UNC5D: variants seen among roughly 807,000 people sequenced by gnomAD.
The protein encoded by UNC5D is netrin receptor UNC5D.
Under a neutral mutation model 105.4 loss-of-function variants are expected in UNC5D, and 39 were observed. The observed-to-expected ratio is 0.37, with a 90% CI of 0.29 to 0.48. The LOEUF is 0.48. Among genes scored for constraint, UNC5D ranks in the 20% least tolerant of loss-of-function variants. UNC5D has a pLI of 0.98. For missense variants in UNC5D, 991 were observed against 1,202.4 expected, an observed-to-expected ratio of 0.82 and a Z score of 2.60; for synonymous variants, 452 against 450.4, an observed-to-expected ratio of 1.00 and a Z score of -0.04.
At chr8:35,717,660 G>A (rs1828328598) in intron 8 of UNC5D, among the ~76,000 whole-genome samples, 1 of 152,106 alleles carries the variant, frequency 6.6e-6, no homozygotes, top group Admixed American at 6.6e-5. Context: ...ATACAATTCA[G>A]GTTTTTAACA....
intron 11 of UNC5D, among the ~76,000 whole-genome samples, chr8:35,743,749 G>A (rs1041400153): frequency 2.6e-5 from 4 of 151,404 alleles, no homozygotes; most frequent in African/African-American, 4.9e-5. Context: ...CTTCATATAC[G>A]TATAAAAGTC....
At chr8:35,284,027 A>T (rs1169788996) in intron 1 of UNC5D, among the ~76,000 whole-genome samples, 1 of 152,184 alleles carries the variant, frequency 6.6e-6, no homozygotes, top group African/African-American at 2.4e-5. Context: ...TTTGGAATGG[A>T]TTCATTTTAA....
intron 1 of UNC5D, among the ~76,000 whole-genome samples, chr8:35,533,047 C>G (rs917664233): frequency 7.6e-4 from 114 of 150,430 alleles, no homozygotes; most frequent in African/African-American, 2.8e-3. Context: ...TCTCTCAGTT[C>G]GTCAAAGTCA....
intron 1 of UNC5D, among the ~76,000 whole-genome samples, chr8:35,466,599 A>C (rs983206563): frequency 6.6e-6 from 1 of 152,168 alleles, no homozygotes; most frequent in Non-Finnish European, 1.5e-5. Context: ...CATTTCTATT[A>C]TCCCATGAGA....
chr8:35,558,560 A>T (rs1304014220), intron 2 of UNC5D, among the ~76,000 whole-genome samples: 1 of 152,214 alleles, frequency 6.6e-6, no homozygotes, highest in African/African-American at 2.4e-5. Flanking sequence ...ACATTCCCTT[A>T]TATAAGTGGA....
intron 1 of UNC5D, among the ~76,000 whole-genome samples, chr8:35,370,888 TG>T (rs1802394180): frequency 6.6e-6 from 1 of 152,232 alleles, no homozygotes; most frequent in South Asian, 2.1e-4. Flanking sequence ...ACAGTGTACT[TG>T]TGAAGACATT....
At chr8:35,534,512 C>G (rs940640697) in intron 1 of UNC5D, among the ~76,000 whole-genome samples, 18 of 151,486 alleles carry the variant, frequency 1.2e-4, no homozygotes, top group Non-Finnish European at 2.2e-4. Flanking sequence ...AAGATCAATT[C>G]AAAATAAGTT....
intron 1 of UNC5D, among the ~76,000 whole-genome samples, chr8:35,440,873 A>G (rs546470476): frequency 6.6e-6 from 1 of 152,116 alleles, no homozygotes; most frequent in African/African-American, 2.4e-5. Context: ...CATACCGATC[A>G]GTGATTCATA....
intron 4 of UNC5D, among the ~76,000 whole-genome samples, chr8:35,625,983 T>A (rs2131052237): frequency 6.6e-6 from 1 of 152,322 alleles, no homozygotes; most frequent in Admixed American, 6.5e-5. Context: ...AAGCAATAAA[T>A]AAGAGTTTAA....
chr8:35,711,133 A>G (rs1470795695), intron 8 of UNC5D, among the ~76,000 whole-genome samples: 1 of 150,404 alleles, frequency 6.6e-6, no homozygotes, highest in Non-Finnish European at 1.5e-5. Flanking sequence ...AGTCTAGAGC[A>G]CTTAACATGT....
At chr8:35,253,443 C>T in intron 1 of UNC5D, among the ~76,000 whole-genome samples, 2 of 130,222 alleles carry the variant, frequency 1.5e-5, no homozygotes, top group African/African-American at 2.9e-5. Flanking sequence ...TTTTTTCCCT[C>T]TGTAGAGTTT....
At chr8:35,487,374 CA>C (rs1440132063) in intron 1 of UNC5D, among the ~76,000 whole-genome samples, 3 of 152,100 alleles carry the variant, frequency 2.0e-5, no homozygotes, top group Non-Finnish European at 4.4e-5. Context: ...CTCATCCAAT[CA>C]GTTGGAACAA....
At chr8:35,457,519 T>C (rs1417630453) in intron 1 of UNC5D, among the ~76,000 whole-genome samples, 1 of 152,196 alleles carries the variant, frequency 6.6e-6, no homozygotes, top group African/African-American at 2.4e-5. Flanking sequence ...CAAGTTCCAC[T>C]GTGATAAAAC....
chr8:35,702,335 G>A (rs1319988572), intron 7 of UNC5D, among the ~76,000 whole-genome samples: 13 of 152,064 alleles, frequency 8.5e-5, no homozygotes, highest in Admixed American at 8.5e-4. Flanking sequence ...TTGCCCGAAA[G>A]TGATCATGAT....
chr8:35,587,789 G>A (rs2130868162), intron 3 of UNC5D, among the ~76,000 whole-genome samples: 1 of 151,638 alleles, frequency 6.6e-6, no homozygotes, highest in African/African-American at 2.4e-5. Flanking sequence ...CAGAAGAAAG[G>A]GATCTTTTTT....
At chr8:35,606,362 T>G (rs1820294849) in intron 4 of UNC5D, among the ~76,000 whole-genome samples, 1 of 152,202 alleles carries the variant, frequency 6.6e-6, no homozygotes, top group African/African-American at 2.4e-5. Flanking sequence ...TATTGATACA[T>G]TCTTATTAAG....
intron 1 of UNC5D, among the ~76,000 whole-genome samples, chr8:35,396,357 A>G (rs746261891): frequency 6.6e-6 from 1 of 152,196 alleles, no homozygotes; most frequent in Non-Finnish European, 1.5e-5. Context: ...AAGCAGGCAC[A>G]AGCAGTCAAG....
At position 35,688,879 on chromosome 8, in the gene UNC5D, A is replaced by G. The variant is rs753839484; in HGVS notation, c.1084+2170A>G. On this transcript the variant is annotated intron_variant, in intron 7 of 16. Coordinates refer to ENST00000404895, the MANE Select transcript of UNC5D (RefSeq NM_080872.4). ...AGCCAATAAATTGTTTAAAGCAACT[A>G]CCTGAACTATGACCATGAGTGGCTT... Among the ~76,000 whole-genome samples, 101 of 152,242 alleles carry G rather than the reference A, an allele frequency of 6.6e-4. 2 individuals are homozygous for G. Among genetic ancestry groups the G allele is most frequent in the Non-Finnish European group, 2.6e-4 (18 of 68,048 alleles).
intron 1 of UNC5D, among the ~76,000 whole-genome samples, chr8:35,421,957 T>A (rs1805932622): frequency 6.6e-6 from 1 of 152,244 alleles, no homozygotes; most frequent in Non-Finnish European, 1.5e-5. Context: ...AAGCCAAATT[T>A]GGGACAGAAT....
Sources: allele counts gnomAD v4.1 joint callset (sites outside exome capture counted in the v4.1 genomes callset), GRCh38; gene constraint gnomAD v4.1.1; transcripts MANE v1.5; gene names NCBI Gene and HGNC (gene_info 2026-07-23, HGNC 2026-07-21).